Variants in ANKRD13B observed in about 807,000 individuals in gnomAD.
ANKRD13B encodes ankyrin repeat domain-containing protein 13B.
ANKRD13B carries 33 observed loss-of-function variants against 74.4 expected under a neutral mutation model. The ratio of observed to expected loss-of-function variants is 0.44; its 90% CI spans 0.34 to 0.59. ANKRD13B has a LOEUF of 0.59. ANKRD13B is among the 20% of genes least tolerant of loss of function. The pLI, the probability that ANKRD13B is intolerant of heterozygous loss-of-function variation, is 0.02. For synonymous variants in ANKRD13B, 341 were observed against 362.9 expected (o/e 0.94, Z 0.68); for missense variants, 676 against 877.9 (o/e 0.77, Z 2.91).
Position 29,613,412 on chromosome 17 carries a change from C to T in ANKRD13B, c.1711C>T (p.Arg571Trp). Residue 571 changes from arginine to tryptophan, a missense_variant, in exon 15 of 15, where the codon CGG becomes TGG. Arg to Trp is a moderately radical substitution (Grantham distance 101). Coordinates refer to ENST00000394859, the MANE Select transcript of ANKRD13B (RefSeq NM_152345.5). Reference sequence around the variant, plus strand: ...GCCCCCGGCGTCAGTGCCCAGCCCTCGGCCCAGCTCAGGGCCAGGTTCCGG... The same window carrying T: ...GCCCCCGGCGTCAGTGCCCAGCCCTTGGCCCAGCTCAGGGCCAGGTTCCGG... ...PAPPASVPSP[R>W]PSSGPGSGGH... 2.6e-6 allele frequency: 4 copies of T among 1,512,878 alleles called. No homozygotes were observed. Among genetic ancestry groups the T allele is most frequent in the East Asian group, 2.7e-5 (1 of 36,612 alleles). The allele number at this position is 1,512,878 out of a possible 1,614,324, so 93.7% of individuals were successfully genotyped here. A position where few individuals can be genotyped will look rare whatever the true frequency, so the allele number is the denominator to read the frequency against.
intron 1 of ANKRD13B, among the ~76,000 whole-genome samples, chr17:29,603,137 C>A (rs2034242397): frequency 6.6e-6 from 1 of 152,110 alleles, no homozygotes; most frequent in South Asian, 2.1e-4. Context: ...GCGTGAGCCA[C>A]CGCACCCGGC....
Position 29,611,903 on chromosome 17 carries a change from G to A in ANKRD13B, c.997G>A (p.Ala333Thr). Residue 333 changes from alanine (A) to threonine (T), a missense_variant, in exon 10 of 15, where the codon GCC (alanine) becomes ACC (threonine). By Grantham distance (58) the Ala-to-Thr change is moderately conservative (BLOSUM62 0). Around this residue, in one of 4 missense-constraint regions of ANKRD13B, gnomAD observed 328 missense variants for 518.4 expected, o/e 0.63. Coordinates refer to ENST00000394859, the MANE Select transcript of ANKRD13B (RefSeq NM_152345.5). This position sits in a 1 kb window ranked among gnomAD's most constrained non-coding sequence, Gnocchi z 4.3. Reference protein sequence around the residue: ...GTLITQTLSQANPTAITAEEY... With the variant: ...GTLITQTLSQTNPTAITAEEY... ...CCTGATCACTCAGACTCTGAGCCAA[G>A]CCAACCCCACTGCCATCACTGCAGA... 6.2e-7 allele frequency: 1 copy of A among 1,613,488 alleles called. No individual in the cohort carries two copies. Among genetic ancestry groups the A allele is most frequent in the South Asian group, 1.1e-5 (1 of 91,006 alleles).
chr17:29,593,758 GC>G, intron 1 of ANKRD13B, 23 bp downstream of exon 1: 2 of 1,351,642 alleles, frequency 1.5e-6, no homozygotes, highest in South Asian at 1.7e-5. Context: ...TCGGGGCGCC[GC>G]GGGGACCCCG....
At position 29,613,263 on chromosome 17, in the gene ANKRD13B, C is replaced by T. The variant is rs888985435; in HGVS notation, c.1653-91C>T. The T allele has an allele frequency of 7.9e-6, 11 of 1,390,974 alleles. No homozygotes were observed. In the Admixed American group the frequency reaches 3.8e-4, roughly 48 times the overall value. The allele number at this position is 1,390,974 out of a possible 1,614,324, so 86.2% of individuals were successfully genotyped here. A position where few individuals can be genotyped will look rare whatever the true frequency, so the allele number is the denominator to read the frequency against. The stretch of plus-strand genomic sequence containing the variant: ...CGCCTCCACTAGAGGGTGGTGGCCG[C>T]GGGCCGCCCTGGAGCCTCCACGCCG... On this transcript the variant is annotated intron_variant, in intron 14 of 14. Transcript: ENST00000394859.
At chr17:29,610,636 C>T (rs373104400) in intron 7 of ANKRD13B, 49 bp from the exon 8 acceptor site, 6 of 1,579,338 alleles carry the variant, frequency 3.8e-6, no homozygotes, top group African/African-American at 2.7e-5. Context: ...GGGTAAGACA[C>T]AGGGTAAGAC....
chr17:29,603,560 T>C (rs138152044), intron 1 of ANKRD13B, among the ~76,000 whole-genome samples: 192 of 152,350 alleles, frequency 1.3e-3, no homozygotes, highest in African/African-American at 4.4e-3. Flanking sequence ...ACTTTATTTT[T>C]CAGTACTGTT....
chr17:29,597,011 G>T (rs2033978100), intron 1 of ANKRD13B, among the ~76,000 whole-genome samples: 1 of 152,086 alleles, frequency 6.6e-6, no homozygotes, highest in Admixed American at 6.5e-5. Context: ...ATGAGCTCAG[G>T]CAGACCTGCC....
intron 1 of ANKRD13B, among the ~76,000 whole-genome samples, chr17:29,594,959 C>A (rs1262637140): frequency 6.6e-6 from 1 of 152,210 alleles, no homozygotes; most frequent in Non-Finnish European, 1.5e-5. Flanking sequence ...TGCATGGCAT[C>A]CAGCTCTGCA....
chr17:29,597,838 G>A (rs549077150), intron 1 of ANKRD13B, among the ~76,000 whole-genome samples: 1 of 152,242 alleles, frequency 6.6e-6, no homozygotes, highest in Admixed American at 6.5e-5. Flanking sequence ...TGAGGTGTGG[G>A]GATGGGGAGG....
chr17:29,605,420 A>G (rs1040263756), intron 1 of ANKRD13B, among the ~76,000 whole-genome samples: 1 of 150,458 alleles, frequency 6.6e-6, no homozygotes, highest in African/African-American at 2.5e-5. Flanking sequence ...ACACAAACAC[A>G]CACACACACA....
rs1266091295 is a variant in ANKRD13B at position 29,593,498 on chromosome 17, A to C, written c.-124A>C. 1 of 249,458 alleles carries C rather than the reference A, an allele frequency of 4.0e-6. No homozygotes were observed. 15.5% of individuals were successfully genotyped at this position (249,458 alleles called of 1,614,324 possible). A position where few individuals can be genotyped will look rare whatever the true frequency, so the allele number is the denominator to read the frequency against. On this transcript the variant is annotated 5_prime_UTR_variant, in exon 1 of 15. It removes an upstream start codon present in the reference 5' UTR. Transcript: ENST00000394859. ...CGCCCCCGCCCGCCGCCGCTCGCAC[A>C]TGCCCGAGCCGCAGCCCCGCGAGCA...
At chr17:29,595,014 C>T (rs750991118) in intron 1 of ANKRD13B, among the ~76,000 whole-genome samples, 3 of 152,234 alleles carry the variant, frequency 2.0e-5, no homozygotes, top group Non-Finnish European at 2.9e-5. Flanking sequence ...CCGCAGGCCT[C>T]TGGGCCGGTC....
rs1253948393 is a variant in ANKRD13B, at chr17:29,612,783, A to C, written c.1543A>C (p.Ser515Arg). ...DDLLQFAIQQ[S>R]LLEAGSEYDQ... ...CCTGCTGCAATTCGCCATCCAGCAGAGCCTGCTTGAGGCGGGCAGTGAGTA... is the reference window on the plus strand; with the variant it reads ...CCTGCTGCAATTCGCCATCCAGCAGCGCCTGCTTGAGGCGGGCAGTGAGTA... The change falls in exon 13 of 15, where the codon AGC becomes CGC. Residue 515 changes from serine (S) to arginine (R), a missense_variant. This residue lies in a region of ANKRD13B where 152 missense variants were observed against 181.4 expected (regional missense o/e 0.84). Transcript: ENST00000394859. This position sits in a 1 kb window ranked among gnomAD's most constrained non-coding sequence, Gnocchi z 6.1. 6.2e-7 allele frequency: 1 copy of C among 1,603,554 alleles called. No individual in the cohort carries two copies.
rs1019104479 is a variant in ANKRD13B at position 29,611,652 on chromosome 17, G to A, written c.969+9G>A. 3 of 1,613,746 alleles carry A rather than the reference G, an allele frequency of 1.9e-6. No homozygotes were observed. The highest frequency in any genetic ancestry group is 2.5e-6 in the Non-Finnish European group (3 of 1,179,742). The stretch of plus-strand genomic sequence containing the variant: ...GGGGCCCCCAAAATGGGGTGAGTGT[G>A]TGCAGGGGTACCCGTAAGTGGAGGG... On this transcript the variant is annotated intron_variant, in intron 9 of 14. Transcript: ENST00000394859. This position sits in a 1 kb window ranked among gnomAD's most constrained non-coding sequence, Gnocchi z 4.3.
intron 1 of ANKRD13B, 73 bp from the exon 2 acceptor site, chr17:29,607,669 A>T: frequency 6.5e-7 from 1 of 1,535,018 alleles, no homozygotes; most frequent in Non-Finnish European, 8.7e-7. Context: ...TGCCTGCTCC[A>T]GGGCTGTCTG....
At position 29,611,953 on chromosome 17, in the gene ANKRD13B, G is replaced by T. The variant is rs776536640; in HGVS notation, c.1047G>T (p.Glu349Asp). Residue 349 changes from glutamate (E) to aspartate (D), a missense_variant, in exon 10 of 15, where the codon GAG becomes GAT. Physicochemically the swap from Glu to Asp is conservative, Grantham distance 45. Coordinates refer to ENST00000394859, the MANE Select transcript of ANKRD13B (RefSeq NM_152345.5). The surrounding 1 kb of genome is among the most constrained non-coding windows in gnomAD (Gnocchi z 4.3). ...AAGAATACTTCAACCCCAACTTTGA[G>T]CTGGGCAACCGTGATATGGGCCGCC... ...TAEEYFNPNF[E>D]LGNRDMGRPM... 4 of 1,614,140 alleles carry T rather than the reference G, an allele frequency of 2.5e-6. No homozygotes were observed. The South Asian group carries it at 3.3e-5, about 13-fold the overall frequency.
chr17:29,598,212 G>A (rs944418417), intron 1 of ANKRD13B, among the ~76,000 whole-genome samples: 9 of 152,170 alleles, frequency 5.9e-5, no homozygotes, highest in Non-Finnish European at 8.8e-5. Flanking sequence ...GGCCAGGCCC[G>A]CTGGTTTTTT....
At position 29,612,021 on chromosome 17, in the gene ANKRD13B, G is replaced by A. The variant is rs369275090; in HGVS notation, c.1100+15G>A. On this transcript the variant is annotated intron_variant, in intron 10 of 14. Transcript: ENST00000394859. The surrounding 1 kb of genome is among the most constrained non-coding windows in gnomAD (Gnocchi z 6.1). ...AAGACACAGAAGTGAGGCCCCTGCC[G>A]GTGCTGGGAAGGTGGGGGGCCGGGG... 12 of 1,609,244 alleles carry A rather than the reference G, an allele frequency of 7.5e-6. No individual in the cohort carries two copies. The highest frequency in any genetic ancestry group is 6.7e-5 in the African/African-American group (5 of 74,596).
At position 29,614,235 on chromosome 17, in the gene ANKRD13B, A is replaced by ATTT. The variant is rs556384866; in HGVS notation, c.*670_*672dup. The ATTT allele has an allele frequency of 9.4e-4, 120 of 127,718 alleles. 1 individual carries two copies. Among genetic ancestry groups the ATTT allele is most frequent in the Middle Eastern group, 4.3e-3 (1 of 234 alleles). 7.9% of individuals were successfully genotyped at this position (127,718 alleles called of 1,614,324 possible). A position where few individuals can be genotyped will look rare whatever the true frequency, so the allele number is the denominator to read the frequency against. ...GTTGGAGTCCCATCCCCCAAGGCAC[A>ATTT]TTTTTTTTTTTTTTTTTTTGTGATC... On this transcript the variant is annotated 3_prime_UTR_variant, in exon 15 of 15. Transcript: ENST00000394859.
Sources: gnomAD v4.1 joint callset for allele counts (sites outside exome capture counted in the v4.1 genomes callset) on GRCh38, gnomAD v4.1.1 for gene constraint, gnomAD v4.1.1 regional missense constraint, Gnocchi (gnomAD v3.1) non-coding constraint, MANE v1.5 for transcripts, NCBI Gene and HGNC (gene_info 2026-07-23, HGNC 2026-07-21) for gene names.